IMPG1: variants seen among roughly 807,000 people sequenced by gnomAD.
IMPG1 encodes interphotoreceptor matrix proteoglycan of 150 kDa.
Under a neutral mutation model 92.0 loss-of-function variants are expected in IMPG1, and 85 were observed. The observed-to-expected ratio is 0.92, with a 90% CI of 0.78 to 1.11. IMPG1 has a LOEUF of 1.11. IMPG1 is among the 50% of genes least tolerant of loss of function. The pLI, the probability that IMPG1 is intolerant of heterozygous loss-of-function variation, is 0.00. For synonymous variants in IMPG1, 367 were observed against 334.1 expected (o/e 1.10, Z -1.08); for missense variants, 1,022 against 956.0 (o/e 1.07, Z -0.91).
rs112325836 is a variant in IMPG1 at position 75,966,241 on chromosome 6, A to C, written c.1292-15147T>G. 2.3e-3 allele frequency among the ~76,000 whole-genome samples: 354 copies of C among 152,278 alleles called. 1 individual carries two copies. Among genetic ancestry groups the C allele is most frequent in the African/African-American group, 8.1e-3 (335 of 41,550 alleles). Reference sequence around the variant, plus strand: ...GGGTGGAAATCTACTTGAATTTTTAAATGATGTCCTTATTTTATTTATTAA... The same window carrying C: ...GGGTGGAAATCTACTTGAATTTTTACATGATGTCCTTATTTTATTTATTAA... On this transcript the variant is annotated intron_variant, in intron 12 of 16. Coordinates refer to ENST00000369950, the MANE Select transcript of IMPG1 (RefSeq NM_001563.4).
At chr6:76,033,303 A>G (rs1783682581) in intron 4 of IMPG1, among the ~76,000 whole-genome samples, 1 of 152,204 alleles carries the variant, frequency 6.6e-6, no homozygotes, top group Non-Finnish European at 1.5e-5. Flanking sequence ...GGCCATAACC[A>G]GAAGCCAGAG....
At chr6:75,964,322 C>T (rs988557037) in intron 12 of IMPG1, among the ~76,000 whole-genome samples, 5 of 151,826 alleles carry the variant, frequency 3.3e-5, no homozygotes, top group African/African-American at 1.2e-4. Context: ...TTAGAAACCA[C>T]TGAATTGTCT....
At chr6:75,993,657 A>C (rs1302610168) in intron 12 of IMPG1, among the ~76,000 whole-genome samples, 1 of 152,228 alleles carries the variant, frequency 6.6e-6, no homozygotes, top group Non-Finnish European at 1.5e-5. Flanking sequence ...GTGGGGATTT[A>C]GGTCTTTCTT....
intron 2 of IMPG1, among the ~76,000 whole-genome samples, chr6:76,040,202 G>A (rs985341942): frequency 2.0e-5 from 3 of 152,042 alleles, no homozygotes; most frequent in Non-Finnish European, 2.9e-5. Flanking sequence ...TTTCATCCAG[G>A]GAAACAAGAA....
Position 75,951,030 on chromosome 6 carries a change from CA to C in IMPG1, c.1355del (p.Met452ArgfsTer8). 1.2e-6 allele frequency: 2 copies of C among 1,613,682 alleles called. No individual in the cohort carries two copies. The highest frequency in any genetic ancestry group is 1.7e-6 in the Non-Finnish European group (2 of 1,179,778). The stretch of plus-strand genomic sequence containing the variant: ...CAGTCAGAGAGAAGATGCTTGATGC[CA>C]TAAAGAAAGGTGGAGCTTCTGACAG... ...TSLSEAPPFF[M>X]ASSIFSLTDQ... On this transcript the variant is annotated frameshift_variant, in exon 13 of 17. Coordinates refer to ENST00000369950, the MANE Select transcript of IMPG1 (RefSeq NM_001563.4). LOFTEE classifies it high-confidence loss of function.
chr6:75,977,437 A>G (rs1016852369), intron 12 of IMPG1, among the ~76,000 whole-genome samples: 3 of 151,978 alleles, frequency 2.0e-5, no homozygotes, highest in Admixed American at 6.6e-5. Context: ...AAAATACAAA[A>G]TTAGCCGGGC....
At chr6:75,924,664 A>C (rs1271609417) in intron 15 of IMPG1, among the ~76,000 whole-genome samples, 135 of 2,698 alleles carry the variant, frequency 0.05, 24 homozygotes, top group African/African-American at 0.12. Flanking sequence ...TATAATATAT[A>C]ATAAATTATA....
intron 1 of IMPG1, among the ~76,000 whole-genome samples, chr6:76,058,336 T>C (rs556538722): frequency 1.2e-3 from 179 of 152,316 alleles, no homozygotes; most frequent in African/African-American, 4.2e-3. Flanking sequence ...AAATGACTTC[T>C]ATTTTCTCAG....
At chr6:76,011,822 G>A (rs1783191466) in intron 7 of IMPG1, among the ~76,000 whole-genome samples, 2 of 144,554 alleles carry the variant, frequency 1.4e-5, no homozygotes. Context: ...ACCTATGAGT[G>A]AGAATATGCG....
At chr6:76,007,160 A>G (rs934602415) in intron 9 of IMPG1, among the ~76,000 whole-genome samples, 4 of 152,182 alleles carry the variant, frequency 2.6e-5, no homozygotes, top group Non-Finnish European at 4.4e-5. Context: ...CCCATTACAA[A>G]TGGCATTTAA....
rs1191479265 is a variant in IMPG1 at position 75,924,706 on chromosome 6, A to AT, written c.2244-1001_2244-1000insA. Among the ~76,000 whole-genome samples, 5 of 1,570 alleles carry AT rather than the reference A, an allele frequency of 3.2e-3. 2 individuals are homozygous for AT. The highest frequency in any genetic ancestry group is 7.3e-3 in the Non-Finnish European group (5 of 688). The allele number at this position is 1,570 out of a possible 152,430, so 1.0% of individuals were successfully genotyped here. On this transcript the variant is annotated intron_variant, in intron 15 of 16. Transcript: ENST00000369950. ...ATATTATATATAAATAATTATATAT[A>AT]ATATATAATATATAATATAATTATA...
intron 11 of IMPG1, 134 bp from the exon 12 acceptor site, chr6:76,003,130 G>C: frequency 1.5e-6 from 1 of 665,554 alleles, no homozygotes; most frequent in Non-Finnish European, 2.8e-6. Context: ...ATCTACTATG[G>C]AGGAAGGTTC....
At chr6:75,931,996 C>T (rs1371120193) in intron 14 of IMPG1, among the ~76,000 whole-genome samples, 2 of 152,236 alleles carry the variant, frequency 1.3e-5, no homozygotes, top group Admixed American at 1.3e-4. Context: ...GAACAGGCCT[C>T]TTGTCATCAG....
At chr6:76,062,378 T>G (rs954033946) in intron 1 of IMPG1, among the ~76,000 whole-genome samples, 1 of 152,214 alleles carries the variant, frequency 6.6e-6, no homozygotes, top group African/African-American at 2.4e-5. Flanking sequence ...AATAAAATGA[T>G]GCTTGTCAAA....
chr6:76,018,754 T>C lies in IMPG1; in HGVS notation c.771A>G (p.Pro257=), dbSNP rs1425799651. 2 of 1,613,546 alleles carry C rather than the reference T, an allele frequency of 1.2e-6. No homozygotes were observed. Among genetic ancestry groups the C allele is most frequent in the African/African-American group, 1.3e-5 (1 of 74,982 alleles). The change falls in exon 7 of 17, where the codon CCA becomes CCG. Residue 257 remains proline, a synonymous_variant. Transcript: ENST00000369950. ...ACTTTCCTGCTAGCTCCTGGTAATA[T>C]GGGGACTGGGAGTCAGCGAGCTCTG... The part of the protein sequence containing the change: ...FKAELADSQS[P]YYQELAGKSQ...
rs2274350 is a variant in IMPG1, at chr6:76,011,038, G to A, written c.866+128C>T. 6.4e-4 allele frequency: 377 copies of A among 590,200 alleles called. 7 individuals are homozygous for A. In the East Asian group the frequency reaches 0.01, roughly 16 times the overall value. The allele number at this position is 590,200 out of a possible 1,614,324, so 36.6% of individuals were successfully genotyped here. On this transcript the variant is annotated intron_variant, in intron 8 of 16. Coordinates refer to ENST00000369950, the MANE Select transcript of IMPG1 (RefSeq NM_001563.4). Reference sequence around the variant, plus strand: ...AGTTCCTTTATCTGAAACGTACTCCGTTTCCAGGATTTGGCAGAGCTAAAC... The same window carrying A: ...AGTTCCTTTATCTGAAACGTACTCCATTTCCAGGATTTGGCAGAGCTAAAC...
intron 13 of IMPG1, among the ~76,000 whole-genome samples, chr6:75,947,857 T>TAAA (rs5877465): frequency 6.8e-6 from 1 of 147,162 alleles, no homozygotes; most frequent in Admixed American, 6.8e-5. Context: ...GTTCAGTTAT[T>TAAA]AAAAAAAAAA....
intron 12 of IMPG1, among the ~76,000 whole-genome samples, chr6:75,962,972 C>T (rs1461440965): frequency 4.0e-5 from 6 of 151,256 alleles, no homozygotes; most frequent in East Asian, 1.9e-4. Flanking sequence ...ACCTGGGAGG[C>T]GGAGGCTGCG....
rs1782288524 is a variant in IMPG1 at position 75,965,337 on chromosome 6, C to T, written c.1292-14243G>A. On this transcript the variant is annotated intron_variant, in intron 12 of 16. Coordinates refer to ENST00000369950, the MANE Select transcript of IMPG1 (RefSeq NM_001563.4). ...CAGCAATGTATAAGTGATACAGATC[C>T]AAATGCATTTTCCAGCATTTGTTGT... 2.6e-5 allele frequency among the ~76,000 whole-genome samples: 4 copies of T among 150,948 alleles called. No homozygotes were observed. In the Admixed American group the frequency reaches 2.7e-4, roughly 10 times the overall value.
Sources: gnomAD v4.1 joint callset for allele counts (sites outside exome capture counted in the v4.1 genomes callset) on GRCh38, gnomAD v4.1.1 for gene constraint, MANE v1.5 for transcripts, NCBI Gene and HGNC (gene_info 2026-07-23, HGNC 2026-07-21) for gene names.